EBF1: variants seen among roughly 807,000 people sequenced by gnomAD.
EBF1 encodes the protein EBF transcription factor 1, also known as transcription factor COE1.
EBF1 carries 10 observed loss-of-function variants against 68.4 expected under a neutral mutation model. The observed-to-expected ratio is 0.15, with a 90% CI of 0.09 to 0.25. The LOEUF (loss-of-function observed/expected upper bound fraction) is 0.25, where lower values mean the gene tolerates loss of function less well. Among genes scored for constraint, EBF1 ranks in the 10% least tolerant of loss-of-function variants. The pLI is 1.00. For missense variants in EBF1, 509 were observed against 794.4 expected (o/e 0.64, Z 4.32); for synonymous variants, 298 against 299.8 (o/e 0.99, Z 0.06).
intron 4 of EBF1, among the ~76,000 whole-genome samples, chr5:159,094,568 A>T (rs1584576443): frequency 6.6e-6 from 1 of 152,182 alleles, no homozygotes; most frequent in African/African-American, 2.4e-5. Context: ...ATTTTTAAAT[A>T]TGCATATATA....
chr5:158,995,537 C>T (rs1013833841), intron 6 of EBF1, among the ~76,000 whole-genome samples: 3 of 152,160 alleles, frequency 2.0e-5, no homozygotes, highest in Non-Finnish European at 4.4e-5. Flanking sequence ...GCAAGAGAGG[C>T]TCTTGACACC....
intron 6 of EBF1, among the ~76,000 whole-genome samples, chr5:158,884,028 C>T (rs1245151713): frequency 6.6e-6 from 1 of 152,174 alleles, no homozygotes; most frequent in Non-Finnish European, 1.5e-5. Context: ...CAACTTTTCT[C>T]TAGTATGAAC....
intron 6 of EBF1, among the ~76,000 whole-genome samples, chr5:158,949,198 A>G (rs1375528358): frequency 6.6e-6 from 1 of 152,224 alleles, no homozygotes; most frequent in Non-Finnish European, 1.5e-5. Context: ...ACATTGATGA[A>G]TATTAATGAC....
chr5:159,098,468 G>T (rs1474137945), intron 1 of EBF1, among the ~76,000 whole-genome samples: 5 of 151,978 alleles, frequency 3.3e-5, no homozygotes, highest in African/African-American at 1.2e-4. Context: ...GAGAGGGAGG[G>T]AAGGAGAACG....
chr5:158,795,725 A>G (rs1425116748), intron 9 of EBF1, among the ~76,000 whole-genome samples: 1 of 152,160 alleles, frequency 6.6e-6, no homozygotes, highest in African/African-American at 2.4e-5. Context: ...TAAAAGAACA[A>G]TCACAGTGCT....
At chr5:158,729,563 A>G (rs775281408) in intron 11 of EBF1, among the ~76,000 whole-genome samples, 8 of 152,220 alleles carry the variant, frequency 5.3e-5, no homozygotes, top group Non-Finnish European at 1.0e-4. Flanking sequence ...ACCTAATGGT[A>G]AATCTCTCCA....
chr5:158,770,539 A>G (rs1048965961), intron 10 of EBF1, among the ~76,000 whole-genome samples: 6 of 152,080 alleles, frequency 3.9e-5, no homozygotes, highest in African/African-American at 1.2e-4. Flanking sequence ...AGTTTTGCAT[A>G]CCCTTGTCCC....
intron 9 of EBF1, among the ~76,000 whole-genome samples, chr5:158,777,851 C>A (rs1775613255): frequency 6.6e-6 from 1 of 152,122 alleles, no homozygotes; most frequent in African/African-American, 2.4e-5. Flanking sequence ...GAAGCAGACA[C>A]CCAAATCAGA....
chr5:158,829,266 T>C (rs1230807239), intron 7 of EBF1, among the ~76,000 whole-genome samples: 1 of 151,810 alleles, frequency 6.6e-6, no homozygotes, highest in Non-Finnish European at 1.5e-5. Context: ...AACCTCTGCG[T>C]CCCGGGCTCA....
chr5:158,702,955 G>C (rs1269673286), intron 15 of EBF1, among the ~76,000 whole-genome samples: 1 of 152,016 alleles, frequency 6.6e-6, no homozygotes, highest in East Asian at 1.9e-4. Context: ...ATCAGTATAT[G>C]GATACTACTT....
intron 6 of EBF1, among the ~76,000 whole-genome samples, chr5:158,978,119 G>A (rs78507514): frequency 6.6e-6 from 1 of 152,226 alleles, no homozygotes; most frequent in Non-Finnish European, 1.5e-5. Flanking sequence ...TGGCCATACA[G>A]GGGGAAAATT....
At position 158,910,222 on chromosome 5, in the gene EBF1, G is replaced by A. The variant is rs756197941; in HGVS notation, c.555-70112C>T. On this transcript the variant is annotated intron_variant, in intron 6 of 15. Coordinates refer to ENST00000313708, the MANE Select transcript of EBF1 (RefSeq NM_024007.5). ...CCAATCTGTAAAATGGAAACTCACT[G>A]TTCCTATCAGAAACAGGGTGGCCAC... is the stretch of plus-strand genomic sequence containing the variant. Among the ~76,000 whole-genome samples, 13 of 152,166 alleles carry A rather than the reference G, an allele frequency of 8.5e-5. 1 individual carries two copies. The South Asian group carries it at 2.5e-3, about 29-fold the overall frequency.
In EBF1 at chr5:158,890,166, A is replaced by T. The variant is rs555358693; in HGVS notation, c.555-50056T>A. ...AAATGAAAATATATATGCTAGATAT[A>T]AAAAAATTGTGCAAAGCTAAAACTG... On this transcript the variant is annotated intron_variant, in intron 6 of 15. Transcript: ENST00000313708. 2.2e-3 allele frequency among the ~76,000 whole-genome samples: 334 copies of T among 152,310 alleles called. 3 individuals are homozygous for T. The highest frequency in any genetic ancestry group is 7.9e-3 in the African/African-American group (327 of 41,564).
In EBF1 at chr5:158,937,395, C is replaced by T. The variant is rs951051946; in HGVS notation, c.555-97285G>A. Among the ~76,000 whole-genome samples the T allele has an allele frequency of 1.3e-5, 2 of 151,974 alleles. 1 individual carries two copies. The highest frequency in any genetic ancestry group is 2.9e-5 in the Non-Finnish European group (2 of 68,004). ...GACAGAAATCAAAGAAGGGAAGCCA[C>T]GAGGATTAAAGAGAACAGCAGCAGG... is the stretch of plus-strand genomic sequence containing the variant. On this transcript the variant is annotated intron_variant, in intron 6 of 15. Coordinates refer to ENST00000313708, the MANE Select transcript of EBF1 (RefSeq NM_024007.5).
chr5:158,860,345 C>T (rs1175696068), intron 6 of EBF1, among the ~76,000 whole-genome samples: 1 of 152,162 alleles, frequency 6.6e-6, no homozygotes, highest in African/African-American at 2.4e-5. Flanking sequence ...ATGACTAAGG[C>T]CAATATCTGT....
intron 9 of EBF1, among the ~76,000 whole-genome samples, chr5:158,778,052 A>C (rs1235820994): frequency 6.6e-6 from 1 of 152,152 alleles, no homozygotes; most frequent in Non-Finnish European, 1.5e-5. Context: ...AAAGAGCTTT[A>C]CAGGGGAAAG....
intron 15 of EBF1, among the ~76,000 whole-genome samples, chr5:158,702,265 A>T (rs1195668370): frequency 1.3e-5 from 2 of 152,098 alleles, no homozygotes; most frequent in Non-Finnish European, 2.9e-5. Flanking sequence ...CAATCTGAAG[A>T]TTATGTGGGT....
chr5:158,897,280 C>T (rs1280499850), intron 6 of EBF1, among the ~76,000 whole-genome samples: 4 of 152,080 alleles, frequency 2.6e-5, no homozygotes, highest in African/African-American at 9.7e-5. Flanking sequence ...ATGGATGGAG[C>T]TGGAGGCCAT....
At chr5:159,097,620 C>G (rs1017510570) in intron 1 of EBF1, 3 of 236,670 alleles carry the variant, frequency 1.3e-5, no homozygotes, top group Non-Finnish European at 2.5e-5. Flanking sequence ...ACCCCTCAAG[C>G]TCTGGCCAAC....
Sources: gnomAD v4.1 joint callset for allele counts (sites outside exome capture counted in the v4.1 genomes callset) on GRCh38, gnomAD v4.1.1 for gene constraint, MANE v1.5 for transcripts, NCBI Gene and HGNC (gene_info 2026-07-23, HGNC 2026-07-21) for gene names.